SCHIP1: variants seen among roughly 807,000 people sequenced by gnomAD.
The protein encoded by SCHIP1 is schwannomin interacting protein 1, also known as schwannomin-interacting protein 1.
SCHIP1 carries 8 observed loss-of-function variants against 29.7 expected under a neutral mutation model. That is an observed-to-expected ratio of 0.27 (90% CI 0.16 to 0.49). SCHIP1 has a LOEUF of 0.49. Among genes scored for constraint, SCHIP1 ranks in the 20% least tolerant of loss-of-function variants. The pLI, the probability that SCHIP1 is intolerant of heterozygous loss-of-function variation, is 0.99. For synonymous variants in SCHIP1, 76 were observed against 94.9 expected (o/e 0.80, Z 1.16); for missense variants, 193 against 294.6 (o/e 0.66, Z 2.52).
the SCHIP1 span, among the ~76,000 whole-genome samples, chr3:159,298,708 C>T: frequency 8.5e-5 from 13 of 152,114 alleles, no homozygotes; most frequent in Non-Finnish European, 1.5e-4. Flanking sequence ...CAGAAGCCTC[C>T]GTGAAGAACA....
the SCHIP1 span, among the ~76,000 whole-genome samples, chr3:159,710,057 T>G: frequency 6.6e-6 from 1 of 152,294 alleles, no homozygotes; most frequent in East Asian, 1.9e-4. Flanking sequence ...AAAAATAGTA[T>G]TACCATATGA....
the SCHIP1 span, among the ~76,000 whole-genome samples, chr3:159,285,733 T>C: frequency 6.6e-6 from 1 of 152,150 alleles, no homozygotes; most frequent in Admixed American, 6.5e-5. Context: ...TAATAAAAAC[T>C]AAAATTTCAT....
At chr3:159,476,707 ATATT>A in the SCHIP1 span, among the ~76,000 whole-genome samples, 1 of 152,176 alleles carries the variant, frequency 6.6e-6, no homozygotes. Flanking sequence ...ATAATTTTCT[ATATT>A]TATGGGCTAC....
the SCHIP1 span, among the ~76,000 whole-genome samples, chr3:159,334,381 T>A: frequency 6.6e-6 from 1 of 152,208 alleles, no homozygotes; most frequent in Non-Finnish European, 1.5e-5. Flanking sequence ...CTTGCTCCCA[T>A]ATCAGTGCTG....
the SCHIP1 span, among the ~76,000 whole-genome samples, chr3:159,310,003 A>C: frequency 6.6e-6 from 1 of 152,220 alleles, no homozygotes; most frequent in Non-Finnish European, 1.5e-5. Flanking sequence ...CTGAGTCTTC[A>C]ACTCAAGCAA....
At chr3:159,424,280 TAAAAACTTTGAAA>T in the SCHIP1 span, among the ~76,000 whole-genome samples, 58 of 152,126 alleles carry the variant, frequency 3.8e-4, 1 homozygote, top group Middle Eastern at 6.8e-3. Flanking sequence ...GCAAAGAAGT[TAAAAACTTTGAAA>T]AAAATTTAGA....
chr3:159,500,132 T>G, the SCHIP1 span, among the ~76,000 whole-genome samples: 1 of 152,002 alleles, frequency 6.6e-6, no homozygotes, highest in African/African-American at 2.4e-5. Context: ...CTAAGTCCAG[T>G]TTTTTGTTTT....
the SCHIP1 span, among the ~76,000 whole-genome samples, chr3:159,663,228 T>C: frequency 6.6e-6 from 1 of 152,182 alleles, no homozygotes; most frequent in African/African-American, 2.4e-5. Context: ...TGAATGTCCT[T>C]GAGGCCATTC....
the SCHIP1 span, among the ~76,000 whole-genome samples, chr3:159,474,731 A>G: frequency 2.6e-4 from 39 of 152,286 alleles, no homozygotes; most frequent in African/African-American, 8.7e-4. Context: ...TAAAGAATTC[A>G]TATCCCACCT....
At chr3:159,700,443 T>A in the SCHIP1 span, among the ~76,000 whole-genome samples, 1 of 152,208 alleles carries the variant, frequency 6.6e-6, no homozygotes, top group Admixed American at 6.5e-5. Flanking sequence ...TCTAGTAATT[T>A]CTCCTAAGTA....
chr3:159,830,168 C>G, the SCHIP1 span, among the ~76,000 whole-genome samples: 2 of 152,154 alleles, frequency 1.3e-5, no homozygotes, highest in African/African-American at 4.8e-5. Flanking sequence ...TGTAGCTTTA[C>G]ATTTAGTTCT....
chr3:159,325,935 T>C, the SCHIP1 span, among the ~76,000 whole-genome samples: 1 of 152,138 alleles, frequency 6.6e-6, no homozygotes. Context: ...CTAAAATGCC[T>C]ATATTGGTTC....
At chr3:159,860,124 G>A (rs866221083) in intron 1 of SCHIP1, among the ~76,000 whole-genome samples, 1 of 152,208 alleles carries the variant, frequency 6.6e-6, no homozygotes, top group Middle Eastern at 3.4e-3. Flanking sequence ...GGGCCACGGG[G>A]GACCAGTGTA....
upstream of SCHIP1, among the ~76,000 whole-genome samples, chr3:159,834,925 C>CCCAA (rs1371035952): frequency 2.0e-5 from 3 of 152,146 alleles, no homozygotes; most frequent in African/African-American, 7.2e-5. Flanking sequence ...CAATTCTGGT[C>CCCAA]CCAAGCATTG....
the SCHIP1 span, among the ~76,000 whole-genome samples, chr3:159,817,875 A>C: frequency 2.0e-5 from 3 of 152,156 alleles, no homozygotes; most frequent in East Asian, 1.9e-4. Flanking sequence ...GACCCTCCCT[A>C]GGGCCCTCAT....
At chr3:159,667,804 C>T in the SCHIP1 span, among the ~76,000 whole-genome samples, 1 of 152,242 alleles carries the variant, frequency 6.6e-6, no homozygotes, top group African/African-American at 2.4e-5. Flanking sequence ...TATTCTACAT[C>T]ACATCCCAGT....
Position 159,843,001 on chromosome 3 carries a change from C to CTTTTTTT in SCHIP1, c.30+2809_30+2815dup, listed in dbSNP as rs566940351. Among the ~76,000 whole-genome samples, 67 of 63,716 alleles carry CTTTTTTT rather than the reference C, an allele frequency of 1.1e-3. 4 individuals carry two copies. The highest frequency in any genetic ancestry group is 0.014 in the Middle Eastern group (1 of 74). 41.8% of individuals were successfully genotyped at this position (63,716 alleles called of 152,430 possible). On this transcript the variant is annotated intron_variant, in intron 1 of 6. Coordinates refer to ENST00000445224, the Ensembl canonical transcript of SCHIP1. ...TCCAGTTCTATCCCAATATTTCTTT[C>CTTTTTTT]TTTTTTTTTTTTTTTTTTTTTTTTT...
At chr3:159,702,190 A>G in the SCHIP1 span, among the ~76,000 whole-genome samples, 1 of 152,212 alleles carries the variant, frequency 6.6e-6, no homozygotes, top group Non-Finnish European at 1.5e-5. Flanking sequence ...TAGCTAAAAT[A>G]AAATCTCCAG....
chr3:159,345,859 C>A, the SCHIP1 span, among the ~76,000 whole-genome samples: 1 of 152,082 alleles, frequency 6.6e-6, no homozygotes, highest in Non-Finnish European at 1.5e-5. Context: ...GAACATTTGA[C>A]AACTTCTCCA....
Sources: allele counts gnomAD v4.1 joint callset (sites outside exome capture counted in the v4.1 genomes callset), GRCh38; gene constraint gnomAD v4.1.1; transcripts MANE v1.5; gene names NCBI Gene and HGNC (gene_info 2026-07-23, HGNC 2026-07-21).